Variants in NEK4 observed in about 807,000 individuals in gnomAD.
NEK4 encodes the protein NIMA related kinase 4.
In NEK4, 86 loss-of-function variants were observed where a neutral mutation model predicts 98.4. That is an observed-to-expected ratio of 0.87 (90% CI 0.73 to 1.05). The LOEUF (loss-of-function observed/expected upper bound fraction) is 1.05, where lower values mean the gene tolerates loss of function less well. Among genes scored for constraint, NEK4 ranks in the 50% least tolerant of loss-of-function variants. The pLI, the probability that NEK4 is intolerant of heterozygous loss-of-function variation, is 0.00. For missense variants in NEK4, 898 were observed against 950.3 expected (o/e 0.94, Z 0.72); for synonymous variants, 328 against 342.2 (o/e 0.96, Z 0.46).
At chr3:52,753,854 A>G (rs1224987916) in intron 6 of NEK4, 6 of 389,934 alleles carry the variant, frequency 1.5e-5, no homozygotes, top group Non-Finnish European at 2.5e-5. Context: ...ACTAATATTC[A>G]TAGGGCACAG....
chr3:52,769,529 A>G (rs1698702868), intron 1 of NEK4, among the ~76,000 whole-genome samples: 2 of 152,244 alleles, frequency 1.3e-5, no homozygotes, highest in Non-Finnish European at 2.9e-5. Flanking sequence ...TAAAGCTCAA[A>G]TAACTAGCTA....
chr3:52,765,524 C>T (rs1013736349), intron 4 of NEK4, among the ~76,000 whole-genome samples: 4 of 152,090 alleles, frequency 2.6e-5, no homozygotes, highest in South Asian at 2.1e-4. Context: ...ATCAAAGGAA[C>T]GACAAGTTCA....
At chr3:52,764,575 G>C (rs1235605029) in intron 4 of NEK4, among the ~76,000 whole-genome samples, 1 of 151,742 alleles carries the variant, frequency 6.6e-6, no homozygotes, top group Admixed American at 6.6e-5. Flanking sequence ...AGGTTGCAGT[G>C]AGCTGAGATT....
At chr3:52,752,933 T>TATATATATATACACACAC (rs148965312) in intron 6 of NEK4, among the ~76,000 whole-genome samples, 10 of 75,568 alleles carry the variant, frequency 1.3e-4, no homozygotes, top group Middle Eastern at 7.0e-3. Context: ...TATATATATA[T>TATATATATATACACACAC]ACACACACAC....
chr3:52,739,487 T>C lies in NEK4; in HGVS notation c.2241A>G (p.Ile747Met). The change falls in exon 14 of 16, where the codon ATA (isoleucine) becomes ATG (methionine). Residue 747 changes from isoleucine (I) to methionine (M), a missense_variant. Transcript: ENST00000233027. ...KLHRKYRDTL[I>M]LHGKVAEEAE... ...CCTCTTCTGCAACCTTCCCATGAAG[T>C]ATCAGTGTGTCCCGATATTTCCGAT... 2 of 1,614,198 alleles carry C rather than the reference T, an allele frequency of 1.2e-6. No individual in the cohort carries two copies. The highest frequency in any genetic ancestry group is 1.7e-6 in the Non-Finnish European group (2 of 1,180,024).
At chr3:52,745,723 T>A (rs1268808740) in intron 10 of NEK4, among the ~76,000 whole-genome samples, 4 of 152,150 alleles carry the variant, frequency 2.6e-5, no homozygotes, top group African/African-American at 9.7e-5. Flanking sequence ...TAAGAAGGTT[T>A]TGGAGGGTTT....
Position 52,770,640 on chromosome 3 carries a change from C to G in NEK4, c.93+14G>C. The G allele has an allele frequency of 6.5e-7, 1 of 1,542,552 alleles. No individual in the cohort carries two copies. Among genetic ancestry groups the G allele is most frequent in the Non-Finnish European group, 8.8e-7 (1 of 1,141,942 alleles). ...GCCCGCCCCCGCCCCTTGCCGGGCC[C>G]CACCCCTGCAGACCTGCTTGCCGTC... On this transcript the variant is annotated intron_variant, in intron 1 of 15. Transcript: ENST00000233027.
chr3:52,733,819 T>C (rs1049642285), intron 15 of NEK4: 3 of 387,610 alleles, frequency 7.7e-6, no homozygotes, highest in Non-Finnish European at 1.5e-5. Context: ...TTGCATGACA[T>C]TGGAAGATTC....
chr3:52,739,534 G>A lies in NEK4; in HGVS notation c.2194C>T (p.Pro732Ser), dbSNP rs2097382209. 6.2e-7 allele frequency: 1 copy of A among 1,613,960 alleles called. No individual in the cohort carries two copies. The change falls in exon 14 of 16, where the codon CCA becomes TCA. Residue 732 changes from proline to serine, a missense_variant. By Grantham distance (74) the Pro-to-Ser change is moderately conservative. Coordinates refer to ENST00000233027, the MANE Select transcript of NEK4 (RefSeq NM_003157.6). ...CGATGAAGTTTGAATTCTGACACTGGGTTTGCTACCGGGACATCTTCACAG... is the reference window on the plus strand; with the variant it reads ...CGATGAAGTTTGAATTCTGACACTGAGTTTGCTACCGGGACATCTTCACAG... ...ESCEDVPVAN[P>S]VSEFKLHRKY...
chr3:52,712,524 C>T (rs1206347578), intron 15 of NEK4, among the ~76,000 whole-genome samples: 1 of 152,230 alleles, frequency 6.6e-6, no homozygotes, highest in Non-Finnish European at 1.5e-5. Context: ...CTTGCCCTAT[C>T]TCAAGGACAG....
chr3:52,712,983 G>A (rs1430000607), intron 15 of NEK4, among the ~76,000 whole-genome samples: 1 of 152,176 alleles, frequency 6.6e-6, no homozygotes, highest in South Asian at 2.1e-4. Context: ...CGAACCAGCA[G>A]TGCCTGTTCT....
At chr3:52,724,469 G>A (rs1178886516) in intron 15 of NEK4, among the ~76,000 whole-genome samples, 1 of 152,112 alleles carries the variant, frequency 6.6e-6, no homozygotes, top group Non-Finnish European at 1.5e-5. Flanking sequence ...AAAAGTGAGG[G>A]AGAAATCAAG....
chr3:52,765,939 G>A lies in NEK4; in HGVS notation c.614C>T (p.Ala205Val), dbSNP rs1698541215. 1 of 1,612,834 alleles carries A rather than the reference G, an allele frequency of 6.2e-7. No individual in the cohort carries two copies. The highest frequency in any genetic ancestry group is 1.3e-5 in the African/African-American group (1 of 74,980). The change falls in exon 4 of 16, where the codon GCT becomes GTT. Residue 205 changes from alanine to valine, a missense_variant. Coordinates refer to ENST00000233027, the MANE Select transcript of NEK4 (RefSeq NM_003157.6). ...CVYEMATLKHAFNAKDMNSLV... is the reference protein window; with the variant it reads ...CVYEMATLKHVFNAKDMNSLV... The stretch of plus-strand genomic sequence containing the variant: ...AGAATTCATATCTTTTGCATTGAAA[G>A]CATGCTTCAAGGTGGCCATTTCATA...
chr3:52,732,983 C>T (rs1189509101), intron 15 of NEK4: 1 of 219,192 alleles, frequency 4.6e-6, no homozygotes, highest in Non-Finnish European at 1.0e-5. Flanking sequence ...GAAAAGTTTA[C>T]AAACCATAGT....
rs2097381681 is a variant in NEK4, at chr3:52,739,323, C to T, written c.2299+106G>A. ...CTGAAGCAGGAGAATCGCTTGAACC[C>T]GGGAGGCAAAGGTTGCAGTGAGCCA... On this transcript the variant is annotated intron_variant, in intron 14 of 15. Coordinates refer to ENST00000233027, the MANE Select transcript of NEK4 (RefSeq NM_003157.6). 1.4e-5 allele frequency: 12 copies of T among 882,420 alleles called. No individual in the cohort carries two copies. In the East Asian group the frequency reaches 2.0e-4, roughly 15 times the overall value. 54.7% of individuals were successfully genotyped at this position (882,420 alleles called of 1,614,324 possible).
Position 52,739,635 on chromosome 3 carries a change from C to A in NEK4, c.2094-1G>T. 1 of 1,607,530 alleles carries A rather than the reference C, an allele frequency of 6.2e-7. No individual in the cohort carries two copies. The stretch of plus-strand genomic sequence containing the variant: ...ATTAATTTCATTTGTCTGACCTTTC[C>A]TGGGGGAAAAAAATATCCCTTTGTT... On this transcript the variant is annotated splice_acceptor_variant, in intron 13 of 15. Transcript: ENST00000233027. LOFTEE classifies it high-confidence loss of function.
intron 15 of NEK4, among the ~76,000 whole-genome samples, chr3:52,715,841 T>C (rs954641267): frequency 1.3e-5 from 2 of 152,254 alleles, no homozygotes; most frequent in African/African-American, 4.8e-5. Context: ...AACATGCCCC[T>C]TTCTCACCAC....
chr3:52,710,978 G>C lies in NEK4; in HGVS notation c.*799C>G, dbSNP rs772913142. On this transcript the variant is annotated 3_prime_UTR_variant, in exon 16 of 16. Transcript: ENST00000233027. ...CAACTAATATCTTACAGTACATGAA[G>C]ACAAACTTCAGGAGACAAACATTAA... is the stretch of plus-strand genomic sequence containing the variant. 1.3e-5 allele frequency: 2 copies of C among 152,512 alleles called. No individual in the cohort carries two copies. Among genetic ancestry groups the C allele is most frequent in the Non-Finnish European group, 2.9e-5 (2 of 68,010 alleles). 9.4% of individuals were successfully genotyped at this position (152,512 alleles called of 1,614,324 possible).
intron 6 of NEK4, among the ~76,000 whole-genome samples, chr3:52,752,953 C>CACACACACACACACACACACACACA: frequency 1.6e-5 from 2 of 128,556 alleles, no homozygotes; most frequent in African/African-American, 5.7e-5. Context: ...CACACACACA[C>CACACACACACACACACACACACACA]AATGGAATAT....
Sources: allele counts gnomAD v4.1 joint callset (sites outside exome capture counted in the v4.1 genomes callset), GRCh38; gene constraint gnomAD v4.1.1; transcripts MANE v1.5; gene names NCBI Gene and HGNC (gene_info 2026-07-23, HGNC 2026-07-21).